CTNNA3: variants seen among roughly 807,000 people sequenced by gnomAD.
The protein encoded by CTNNA3 is catenin alpha-3.
A neutral mutation model predicts 95.7 loss-of-function variants in CTNNA3; 76 were observed. The ratio of observed to expected loss-of-function variants is 0.79; its 90% CI spans 0.66 to 0.96. The LOEUF is 0.96. Among genes scored for constraint, CTNNA3 ranks in the 40% least tolerant of loss-of-function variants. CTNNA3 has a pLI of 0.00. For missense variants in CTNNA3, 1,191 were observed against 1,089.8 expected (o/e 1.09, Z -1.31); for synonymous variants, 431 against 374.4 (o/e 1.15, Z -1.74).
chr10:66,069,185 T>A, intron 15 of CTNNA3, 123 bp downstream of exon 15: 1 of 834,502 alleles, frequency 1.2e-6, no homozygotes, highest in Admixed American at 2.0e-5. Context: ...TCTAATACTA[T>A]ATTTGCTTTT....
At position 67,647,395 on chromosome 10, in the gene CTNNA3, A is replaced by C. The variant is rs1242499738; in HGVS notation, c.99+20T>G. 6.4e-7 allele frequency: 1 copy of C among 1,553,112 alleles called. No homozygotes were observed. The highest frequency in any genetic ancestry group is 8.8e-7 in the Non-Finnish European group (1 of 1,132,784). On this transcript the variant is annotated intron_variant, in intron 2 of 17. Coordinates refer to ENST00000433211, the MANE Select transcript of CTNNA3 (RefSeq NM_013266.4). ...TTCTTCTGCAGTTACTATATATCATAATTTCCATGGTATTAATACCTGGAT... is the reference window on the plus strand; with the variant it reads ...TTCTTCTGCAGTTACTATATATCATCATTTCCATGGTATTAATACCTGGAT...
intron 11 of CTNNA3, among the ~76,000 whole-genome samples, chr10:66,394,652 A>G (rs1162873986): frequency 6.6e-6 from 1 of 151,912 alleles, no homozygotes; most frequent in African/African-American, 2.4e-5. Context: ...CAATTCTCCC[A>G]TATTATGCAA....
At chr10:67,366,714 C>G (rs1025900157) in intron 5 of CTNNA3, among the ~76,000 whole-genome samples, 1 of 151,942 alleles carries the variant, frequency 6.6e-6, no homozygotes, top group Non-Finnish European at 1.5e-5. Context: ...CACCTACAAC[C>G]ATCTGCTCTT....
intron 9 of CTNNA3, among the ~76,000 whole-genome samples, chr10:66,627,620 A>G (rs1844984055): frequency 6.6e-6 from 1 of 152,128 alleles, no homozygotes; most frequent in South Asian, 2.1e-4. Flanking sequence ...AAAGCTGGTA[A>G]TGTATAACCA....
rs778836534 is a variant in CTNNA3, at chr10:66,103,157, C to T, written c.1977G>A (p.Arg659=). 6.2e-6 allele frequency: 10 copies of T among 1,612,116 alleles called. No homozygotes were observed. Among genetic ancestry groups the T allele is most frequent in the South Asian group, 1.1e-5 (1 of 91,050 alleles). ...TSIQTEGKTD[R]AKMTQLPEAE... The stretch of plus-strand genomic sequence containing the variant: ...TCTCCCACCAGTTGAAGTGACATAC[C>T]CTATCAGTTTTCCCTTCGGTCTGAA... Residue 659 remains arginine, a splice_region_variant and synonymous_variant, in exon 14 of 18, where the codon AGG becomes AGA. Coordinates refer to ENST00000433211, the MANE Select transcript of CTNNA3 (RefSeq NM_013266.4).
intron 5 of CTNNA3, among the ~76,000 whole-genome samples, chr10:67,375,297 C>T (rs1022230585): frequency 3.3e-5 from 5 of 152,154 alleles, no homozygotes; most frequent in South Asian, 2.1e-4. Context: ...GAGTCAAGGT[C>T]AGGGATGCTC....
intron 15 of CTNNA3, among the ~76,000 whole-genome samples, chr10:66,026,559 T>C (rs2079342700): frequency 1.3e-5 from 2 of 152,164 alleles, no homozygotes; most frequent in Non-Finnish European, 2.9e-5. Context: ...AATGTCTCAG[T>C]CTAAAATATT....
chr10:66,935,755 T>A (rs112977767), intron 7 of CTNNA3, among the ~76,000 whole-genome samples: 115 of 151,758 alleles, frequency 7.6e-4, no homozygotes, highest in Non-Finnish European at 1.2e-3. Context: ...TGATAAAAAG[T>A]GTTTTATGCG....
upstream of CTNNA3, among the ~76,000 whole-genome samples, chr10:67,697,806 A>G (rs1214997725): frequency 3.3e-5 from 5 of 152,138 alleles, no homozygotes; most frequent in African/African-American, 9.7e-5. Flanking sequence ...TATTTAGCTG[A>G]AGTATTTCCC....
At chr10:66,599,650 G>A (rs1843849566) in intron 10 of CTNNA3, among the ~76,000 whole-genome samples, 1 of 151,638 alleles carries the variant, frequency 6.6e-6, no homozygotes, top group African/African-American at 2.4e-5. Flanking sequence ...AATTGGGTGG[G>A]AATGAGTGAC....
In CTNNA3 at chr10:66,478,670, A is replaced by C. The variant is rs577156794; in HGVS notation, c.1531+41947T>G. 2.2e-4 allele frequency among the ~76,000 whole-genome samples: 34 copies of C among 152,038 alleles called. 1 individual carries two copies. Among genetic ancestry groups the C allele is most frequent in the African/African-American group, 8.2e-4 (34 of 41,562 alleles). On this transcript the variant is annotated intron_variant, in intron 11 of 17. Transcript: ENST00000433211. ...AACGCTATTACAATTTTATTTCAAC[A>C]ATGTAACTAGTAATTTTGCAAATAT...
chr10:66,415,692 A>G (rs2394215), intron 11 of CTNNA3, among the ~76,000 whole-genome samples: 52,499 of 151,982 alleles, frequency 0.35, 9,790 homozygotes, highest in African/African-American at 0.48. Context: ...GCTTTCCTCA[A>G]TAACTGGACC....
intron 2 of CTNNA3, among the ~76,000 whole-genome samples, chr10:67,620,708 T>TA (rs1399291168): frequency 6.6e-6 from 1 of 152,050 alleles, no homozygotes; most frequent in Non-Finnish European, 1.5e-5. Flanking sequence ...TCAGAAATGG[T>TA]AAAAAATGTG....
chr10:66,116,727 C>T (rs10996911), intron 13 of CTNNA3, among the ~76,000 whole-genome samples: 38,354 of 152,048 alleles, frequency 0.25, 4,876 homozygotes, highest in East Asian at 0.27. Context: ...CACAATTCCA[C>T]AGGCTGTGTA....
At chr10:67,049,658 A>T (rs1303729549) in intron 7 of CTNNA3, among the ~76,000 whole-genome samples, 1 of 152,194 alleles carries the variant, frequency 6.6e-6, no homozygotes, top group Admixed American at 6.5e-5. Flanking sequence ...CTGAATTTTC[A>T]GGGGTAGAAT....
At chr10:67,563,521 C>T (rs1841621877) in intron 3 of CTNNA3, among the ~76,000 whole-genome samples, 1 of 152,130 alleles carries the variant, frequency 6.6e-6, no homozygotes, top group Non-Finnish European at 1.5e-5. Context: ...AAATGTCAGA[C>T]CTAAAACCAT....
chr10:66,418,808 T>G (rs941212276), intron 11 of CTNNA3, among the ~76,000 whole-genome samples: 16 of 152,122 alleles, frequency 1.1e-4, no homozygotes, highest in African/African-American at 3.6e-4. Flanking sequence ...AAAAATCTTT[T>G]GATAAAATTC....
At chr10:67,097,069 A>G (rs925583468) in intron 7 of CTNNA3, among the ~76,000 whole-genome samples, 1 of 151,932 alleles carries the variant, frequency 6.6e-6, no homozygotes, top group Non-Finnish European at 1.5e-5. Flanking sequence ...CTTGTAAGAC[A>G]TGTGGATTCC....
intron 17 of CTNNA3, among the ~76,000 whole-genome samples, chr10:65,953,371 C>T (rs922613813): frequency 4.0e-5 from 6 of 150,568 alleles, no homozygotes; most frequent in Non-Finnish European, 5.9e-5. Flanking sequence ...ATATACTCAC[C>T]TCTTTTTTTT....
Sources: allele counts gnomAD v4.1 joint callset (sites outside exome capture counted in the v4.1 genomes callset), GRCh38; gene constraint gnomAD v4.1.1; transcripts MANE v1.5; gene names NCBI Gene and HGNC (gene_info 2026-07-23, HGNC 2026-07-21).